ADGRB3: variants seen among roughly 807,000 people sequenced by gnomAD.
The protein encoded by ADGRB3 is brain-specific angiogenesis inhibitor 3.
A neutral mutation model predicts 193.4 loss-of-function variants in ADGRB3; 37 were observed. The ratio of observed to expected loss-of-function variants is 0.19; its 90% CI spans 0.15 to 0.25. ADGRB3 has a LOEUF of 0.25. Ranked by LOEUF, ADGRB3 falls within the 10% of genes least tolerant of loss-of-function variation. ADGRB3 has a pLI of 1.00. For synonymous variants in ADGRB3, 690 were observed against 644.2 expected (o/e 1.07, Z -1.08); for missense variants, 1,637 against 1,852.9 (o/e 0.88, Z 2.14).
intron 3 of ADGRB3, among the ~76,000 whole-genome samples, chr6:68,676,389 C>CAAAAA (rs70987431): frequency 2.1e-3 from 172 of 83,892 alleles, no homozygotes; most frequent in Non-Finnish European, 2.6e-3. Flanking sequence ...GACTCTGTCT[C>CAAAAA]AAAAAAAAAA....
At chr6:68,787,714 G>A (rs946374481) in intron 3 of ADGRB3, among the ~76,000 whole-genome samples, 8 of 152,172 alleles carry the variant, frequency 5.3e-5, no homozygotes, top group African/African-American at 1.9e-4. Flanking sequence ...GATTGGAATA[G>A]TTTCAGAAAG....
chr6:68,934,183 T>A (rs1767424891), intron 4 of ADGRB3, among the ~76,000 whole-genome samples: 1 of 152,188 alleles, frequency 6.6e-6, no homozygotes, highest in African/African-American at 2.4e-5. Context: ...GGCCACTATT[T>A]CACTGGCAAA....
At chr6:69,108,090 G>T (rs1773263305) in intron 17 of ADGRB3, among the ~76,000 whole-genome samples, 1 of 151,176 alleles carries the variant, frequency 6.6e-6, no homozygotes, top group African/African-American at 2.4e-5. Flanking sequence ...GAACTCTCTT[G>T]AATGTCTGAA....
intron 6 of ADGRB3, among the ~76,000 whole-genome samples, chr6:68,953,294 A>C (rs554782786): frequency 1.3e-5 from 2 of 152,152 alleles, no homozygotes; most frequent in African/African-American, 2.4e-5. Context: ...TATTCTAGTC[A>C]CTCAGCACTA....
intron 22 of ADGRB3, among the ~76,000 whole-genome samples, chr6:69,329,840 C>A (rs1768677130): frequency 6.6e-6 from 1 of 152,138 alleles, no homozygotes; most frequent in Admixed American, 6.6e-5. Flanking sequence ...GACTGTTTCT[C>A]CCCAAATGGA....
chr6:69,130,028 A>G lies in ADGRB3; in HGVS notation c.2480+53990A>G, dbSNP rs574662738. Among the ~76,000 whole-genome samples, 10 of 152,254 alleles carry G rather than the reference A, an allele frequency of 6.6e-5. No individual in the cohort carries two copies. The South Asian group carries it at 1.9e-3, about 28-fold the overall frequency. On this transcript the variant is annotated intron_variant, in intron 17 of 31. Coordinates refer to ENST00000370598, the MANE Select transcript of ADGRB3 (RefSeq NM_001704.3). Reference sequence around the variant, plus strand: ...ATTCAGGTTGCTATAACAAAATATTATAAACTGGGTAACTTGGAAAAAACA... The same window carrying G: ...ATTCAGGTTGCTATAACAAAATATTGTAAACTGGGTAACTTGGAAAAAACA...
intron 20 of ADGRB3, among the ~76,000 whole-genome samples, chr6:69,261,205 A>T (rs1434269721): frequency 1.3e-5 from 2 of 152,154 alleles, no homozygotes; most frequent in Non-Finnish European, 2.9e-5. Context: ...GTTGCTGGGA[A>T]ACTTTTCAGA....
chr6:69,332,167 G>A (rs1364321106), intron 23 of ADGRB3: 4 of 985,152 alleles, frequency 4.1e-6, no homozygotes, highest in African/African-American at 1.7e-5. Flanking sequence ...ATCATAAGCT[G>A]GTACAAATAG....
intron 17 of ADGRB3, among the ~76,000 whole-genome samples, chr6:69,212,238 T>C (rs1436207235): frequency 6.6e-6 from 1 of 152,210 alleles, no homozygotes; most frequent in Non-Finnish European, 1.5e-5. Context: ...CCTTTTCTAA[T>C]ATTGCCCTCT....
At chr6:68,935,498 A>T (rs1767463326) in intron 4 of ADGRB3, among the ~76,000 whole-genome samples, 1 of 152,172 alleles carries the variant, frequency 6.6e-6, no homozygotes, top group Non-Finnish European at 1.5e-5. Flanking sequence ...TTGATCTACT[A>T]ATCAGTGATA....
At chr6:69,203,139 C>A (rs900220501) in intron 17 of ADGRB3, among the ~76,000 whole-genome samples, 19 of 151,892 alleles carry the variant, frequency 1.3e-4, no homozygotes, top group African/African-American at 4.4e-4. Context: ...TTGAAAAAAA[C>A]AAACAAAAAA....
intron 20 of ADGRB3, among the ~76,000 whole-genome samples, chr6:69,257,341 T>A (rs967795335): frequency 2.6e-5 from 4 of 152,180 alleles, no homozygotes; most frequent in Non-Finnish European, 1.5e-5. Flanking sequence ...CCTGGACTCT[T>A]TTTGGTTGGT....
intron 3 of ADGRB3, among the ~76,000 whole-genome samples, chr6:68,928,392 A>G (rs754781946): frequency 1.3e-5 from 2 of 152,044 alleles, no homozygotes; most frequent in Non-Finnish European, 2.9e-5. Flanking sequence ...TTAGCTAGGC[A>G]TGGTGGATGG....
chr6:68,763,427 A>G (rs578205216), intron 3 of ADGRB3, among the ~76,000 whole-genome samples: 3 of 152,196 alleles, frequency 2.0e-5, no homozygotes, highest in Non-Finnish European at 4.4e-5. Context: ...ATTGAAAAAG[A>G]CATGCTACTC....
chr6:69,369,579 C>T (rs748376155), intron 29 of ADGRB3, among the ~76,000 whole-genome samples: 5 of 151,712 alleles, frequency 3.3e-5, no homozygotes, highest in Non-Finnish European at 5.9e-5. Context: ...ATGTCTATAG[C>T]CCCAGCTACT....
chr6:68,967,177 A>G (rs976910040), intron 8 of ADGRB3, among the ~76,000 whole-genome samples: 11 of 152,222 alleles, frequency 7.2e-5, no homozygotes, highest in South Asian at 2.1e-4. Flanking sequence ...AAGAAGCACA[A>G]TGAATCCAAG....
In ADGRB3 at chr6:68,746,805, T is replaced by C. The variant is rs919567762; in HGVS notation, c.757+107373T>C. Among the ~76,000 whole-genome samples, 7 of 152,212 alleles carry C rather than the reference T, an allele frequency of 4.6e-5. No homozygotes were observed. The South Asian group carries it at 1.4e-3, about 32-fold the overall frequency. ...TTTTTTTATTTTATTTAATATTGTTTGGAGATAATTTGATTTCTACATCCT... is the reference window on the plus strand; with the variant it reads ...TTTTTTTATTTTATTTAATATTGTTCGGAGATAATTTGATTTCTACATCCT... On this transcript the variant is annotated intron_variant, in intron 3 of 31. Transcript: ENST00000370598.
At chr6:68,972,601 C>G (rs1768609338) in intron 8 of ADGRB3, among the ~76,000 whole-genome samples, 1 of 152,170 alleles carries the variant, frequency 6.6e-6, no homozygotes, top group Non-Finnish European at 1.5e-5. Flanking sequence ...ATAGTCACCT[C>G]TAACTCATAG....
chr6:68,953,629 A>G (rs1450533676), intron 6 of ADGRB3, among the ~76,000 whole-genome samples: 1 of 152,210 alleles, frequency 6.6e-6, no homozygotes, highest in Admixed American at 6.5e-5. Flanking sequence ...TAGACTACAT[A>G]ACCAATATGA....
Sources: gnomAD v4.1 joint callset for allele counts (sites outside exome capture counted in the v4.1 genomes callset) on GRCh38, gnomAD v4.1.1 for gene constraint, MANE v1.5 for transcripts, NCBI Gene and HGNC (gene_info 2026-07-23, HGNC 2026-07-21) for gene names.